The following GALNT13 variants were observed in gnomAD, a reference collection of about 807,000 sequenced individuals.
GALNT13 encodes polypeptide N-acetylgalactosaminyltransferase 13.
Under a neutral mutation model 64.2 loss-of-function variants are expected in GALNT13, and 28 were observed. The ratio of observed to expected loss-of-function variants is 0.44; its 90% CI spans 0.32 to 0.60. The LOEUF (loss-of-function observed/expected upper bound fraction) is 0.60. Among genes scored for constraint, GALNT13 ranks in the 20% least tolerant of loss-of-function variants. The probability of loss-of-function intolerance (pLI) is 0.05; values close to 1 mark genes in which losing one functional copy is unlikely to be tolerated. For synonymous variants in GALNT13, 214 were observed against 224.6 expected (o/e 0.95, Z 0.42); for missense variants, 577 against 669.8 (o/e 0.86, Z 1.53).
At chr2:153,418,677 C>A in the GALNT13 span, among the ~76,000 whole-genome samples, 1 of 152,028 alleles carries the variant, frequency 6.6e-6, no homozygotes, top group Admixed American at 6.6e-5. Flanking sequence ...ATAGAGAAAG[C>A]CAAATCAGAA....
At chr2:153,255,562 T>A in the GALNT13 span, among the ~76,000 whole-genome samples, 2 of 150,862 alleles carry the variant, frequency 1.3e-5, no homozygotes, top group African/African-American at 4.9e-5. Flanking sequence ...TTCTTCCTAG[T>A]CTCGATCATT....
chr2:153,566,351 T>TTGTTG, the GALNT13 span, among the ~76,000 whole-genome samples: 100 of 64,206 alleles, frequency 1.6e-3, no homozygotes, highest in African/African-American at 5.0e-3. Context: ...TAATCACGTT[T>TTGTTG]TTTTTTTTTT....
intron 9 of GALNT13, among the ~76,000 whole-genome samples, chr2:154,375,771 C>T (rs1246621216): frequency 1.3e-5 from 2 of 151,952 alleles, no homozygotes; most frequent in Admixed American, 6.6e-5. Context: ...TTTTTTTGCA[C>T]GGAGGGATTA....
At chr2:154,353,824 T>C (rs1696556200) in intron 9 of GALNT13, among the ~76,000 whole-genome samples, 1 of 152,158 alleles carries the variant, frequency 6.6e-6, no homozygotes, top group African/African-American at 2.4e-5. Context: ...CAGTTGACTT[T>C]GGTCGTTTCC....
chr2:153,533,353 G>A, the GALNT13 span, among the ~76,000 whole-genome samples: 1 of 151,984 alleles, frequency 6.6e-6, no homozygotes, highest in Non-Finnish European at 1.5e-5. Context: ...CCAGGTTCAA[G>A]CAATTCTCCC....
At chr2:154,156,760 A>T (rs1684447328) in intron 4 of GALNT13, among the ~76,000 whole-genome samples, 1 of 152,204 alleles carries the variant, frequency 6.6e-6, no homozygotes, top group South Asian at 2.1e-4. Context: ...TAGGAACTTC[A>T]TGGAAAAGAT....
chr2:153,568,756 A>G, the GALNT13 span, among the ~76,000 whole-genome samples: 2 of 152,208 alleles, frequency 1.3e-5, no homozygotes. Flanking sequence ...GTGCTAAATA[A>G]TACCAGCCCT....
the GALNT13 span, among the ~76,000 whole-genome samples, chr2:153,355,659 G>A: frequency 6.6e-6 from 1 of 152,144 alleles, no homozygotes; most frequent in Non-Finnish European, 1.5e-5. Context: ...TAATCAAACA[G>A]CATGTAAACC....
chr2:154,234,159 T>C (rs1336598292), intron 4 of GALNT13, among the ~76,000 whole-genome samples: 1 of 152,152 alleles, frequency 6.6e-6, no homozygotes, highest in Non-Finnish European at 1.5e-5. Flanking sequence ...AATAAAAGTT[T>C]GACCACAGAA....
At chr2:153,098,933 A>G in the GALNT13 span, among the ~76,000 whole-genome samples, 1 of 152,202 alleles carries the variant, frequency 6.6e-6, no homozygotes, top group Non-Finnish European at 1.5e-5. Context: ...AGACTTGGAA[A>G]GCATCTCTTT....
chr2:153,904,080 C>A (rs1485937097), intron 2 of GALNT13, among the ~76,000 whole-genome samples: 1 of 151,958 alleles, frequency 6.6e-6, no homozygotes, highest in East Asian at 1.9e-4. Flanking sequence ...TCATATGACA[C>A]ACATTCTTCA....
At chr2:153,249,803 C>G in the GALNT13 span, among the ~76,000 whole-genome samples, 1 of 152,068 alleles carries the variant, frequency 6.6e-6, no homozygotes. Flanking sequence ...ATAAATCATG[C>G]TGGGGGAACT....
chr2:154,265,633 A>G (rs1477856890), intron 8 of GALNT13, among the ~76,000 whole-genome samples: 1 of 152,156 alleles, frequency 6.6e-6, no homozygotes, highest in Non-Finnish European at 1.5e-5. Flanking sequence ...CAAGAGGGAG[A>G]GGTTGCAGTG....
Position 153,876,399 on chromosome 2 carries a change from A to G in GALNT13, c.-177+4096A>G, listed in dbSNP as rs1053124072. Among the ~76,000 whole-genome samples the G allele has an allele frequency of 2.2e-4, 33 of 152,210 alleles. 1 individual carries two copies. The highest frequency in any genetic ancestry group is 1.9e-3 in the Admixed American group (29 of 15,284). On this transcript the variant is annotated intron_variant, in intron 1 of 12. Coordinates refer to ENST00000392825, the MANE Select transcript of GALNT13 (RefSeq NM_052917.4). ...GGACTTCTGCCATTCAAATATATGC[A>G]TACCTGTGTTTGAAAAGTCTGGTTT...
At chr2:154,352,654 T>G (rs967576265) in intron 9 of GALNT13, among the ~76,000 whole-genome samples, 1 of 152,208 alleles carries the variant, frequency 6.6e-6, no homozygotes, top group African/African-American at 2.4e-5. Flanking sequence ...AGCTCATAAC[T>G]TGCCAACACC....
the GALNT13 span, among the ~76,000 whole-genome samples, chr2:153,305,802 T>A: frequency 1.3e-5 from 2 of 152,204 alleles, no homozygotes; most frequent in African/African-American, 2.4e-5. Context: ...ATGACAGGTT[T>A]TATTTTTTAT....
the GALNT13 span, among the ~76,000 whole-genome samples, chr2:153,829,830 A>G: frequency 6.6e-6 from 1 of 152,336 alleles, no homozygotes; most frequent in East Asian, 1.9e-4. Context: ...ATTGAACAGA[A>G]CTAGAAGCTG....
intron 2 of GALNT13, among the ~76,000 whole-genome samples, chr2:153,932,492 G>A (rs535533799): frequency 2.0e-5 from 3 of 151,722 alleles, no homozygotes; most frequent in African/African-American, 7.2e-5. Flanking sequence ...GTTTTTCTTA[G>A]TTTCAAAGAA....
At chr2:153,891,658 C>G (rs1272139461) in intron 1 of GALNT13, among the ~76,000 whole-genome samples, 1 of 151,982 alleles carries the variant, frequency 6.6e-6, no homozygotes, top group Non-Finnish European at 1.5e-5. Context: ...ATATGTTTCT[C>G]TAAAATAAAA....
Sources: allele counts gnomAD v4.1 joint callset (sites outside exome capture counted in the v4.1 genomes callset), GRCh38; gene constraint gnomAD v4.1.1; transcripts MANE v1.5; gene names NCBI Gene and HGNC (gene_info 2026-07-23, HGNC 2026-07-21).